The following SIRPB1 variants were observed in gnomAD, a reference collection of about 807,000 sequenced individuals.
SIRPB1 encodes the protein signal-regulatory protein beta-1.
SIRPB1 carries 28 observed loss-of-function variants against 34.1 expected under a neutral mutation model. That is an observed-to-expected ratio of 0.82 (90% CI 0.61 to 1.12). The LOEUF (loss-of-function observed/expected upper bound fraction) is 1.12, where lower values mean the gene tolerates loss of function less well. Among genes scored for constraint, SIRPB1 ranks in the 50% most tolerant of loss-of-function variants. SIRPB1 has a pLI of 0.00. For synonymous variants in SIRPB1, 211 were observed against 203.8 expected (o/e 1.04, Z -0.30); for missense variants, 499 against 507.0 (o/e 0.98, Z 0.15).
Position 1,576,892 on chromosome 20 carries a change from T to C in SIRPB1, c.433+1446A>G, listed in dbSNP as rs1433857438. Among the ~76,000 whole-genome samples, 2 of 148,760 alleles carry C rather than the reference T, an allele frequency of 1.3e-5. 1 individual carries two copies. Among genetic ancestry groups the C allele is most frequent in the Non-Finnish European group, 3.0e-5 (2 of 66,360 alleles). ...CCACTTCCAGTGGGAATCTCCCACC[T>C]GAGTAGGGTGACACATGTACAAGGT... On this transcript the variant is annotated intron_variant, in intron 2 of 5. Coordinates refer to ENST00000381605, the MANE Select transcript of SIRPB1 (RefSeq NM_006065.5).
chr20:1,613,772 G>A (rs114513579), intron 1 of SIRPB1, among the ~76,000 whole-genome samples: 1,641 of 152,292 alleles, frequency 0.011, 29 homozygotes, highest in African/African-American at 0.037. Context: ...ACACCTTACT[G>A]GAGTTCCAGG....
chr20:1,619,270 G>A (rs772695017), intron 1 of SIRPB1, among the ~76,000 whole-genome samples: 27 of 152,198 alleles, frequency 1.8e-4, no homozygotes, highest in Non-Finnish European at 3.5e-4. Flanking sequence ...GACCCAGTAA[G>A]CAGCAAATGT....
At position 1,585,787 on chromosome 20, in the gene SIRPB1, C is replaced by T. The variant is rs1225252762; in HGVS notation, c.77-7093G>A. ...GACATCAGCGTGTCACAGAGATATC[C>T]GCACCCCCATGTCCATTGCAGCATT... On this transcript the variant is annotated intron_variant, in intron 1 of 5. Transcript: ENST00000381605. Among the ~76,000 whole-genome samples the T allele has an allele frequency of 6.6e-4, 32 of 48,662 alleles. 15 individuals are homozygous for T. The highest frequency in any genetic ancestry group is 6.7e-4 in the Non-Finnish European group (17 of 25,290). The allele number at this position is 48,662 out of a possible 152,430, so 31.9% of individuals were successfully genotyped here.
rs1417226621 is a variant in SIRPB1, at chr20:1,619,863, G to A, written c.76+6C>T. On this transcript the variant is annotated splice_donor_region_variant and intron_variant, in intron 1 of 5. Coordinates refer to ENST00000381605, the MANE Select transcript of SIRPB1 (RefSeq NM_006065.5). ...AAAAAAGATTTTAACCGAAGGCAGT[G>A]CTCACCTGTGAGTCTCCCCAGCAGT... is the stretch of plus-strand genomic sequence containing the variant. 1 of 1,604,902 alleles carries A rather than the reference G, an allele frequency of 6.2e-7. No homozygotes were observed. The highest frequency in any genetic ancestry group is 8.5e-7 in the Non-Finnish European group (1 of 1,172,138).
chr20:1,571,423 C>G (rs1312119656), intron 3 of SIRPB1, among the ~76,000 whole-genome samples: 2 of 152,220 alleles, frequency 1.3e-5, no homozygotes, highest in Non-Finnish European at 2.9e-5. Context: ...AGAACTGTAG[C>G]AAAATCAGTG....
At chr20:1,571,663 A>G (rs1000479513) in intron 3 of SIRPB1, 57 bp downstream of exon 3, 10 of 1,611,488 alleles carry the variant, frequency 6.2e-6, no homozygotes, top group Middle Eastern at 1.6e-4. Flanking sequence ...GCCTGGGGAG[A>G]GGGGAGTGGG....
chr20:1,570,756 T>C (rs1235033814), intron 4 of SIRPB1, 49 bp downstream of exon 4: 1 of 1,418,818 alleles, frequency 7.0e-7, no homozygotes, highest in Non-Finnish European at 9.7e-7. Context: ...GAATATTGCT[T>C]TTAACATTAA....
At chr20:1,572,520 C>A (rs960896052) in intron 2 of SIRPB1, among the ~76,000 whole-genome samples, 2 of 150,774 alleles carry the variant, frequency 1.3e-5, no homozygotes, top group South Asian at 4.2e-4. Flanking sequence ...GCTCCTCATC[C>A]GCAAAACAGG....
chr20:1,574,721 G>T (rs2091289059), intron 2 of SIRPB1, among the ~76,000 whole-genome samples: 1 of 126,338 alleles, frequency 7.9e-6, no homozygotes, highest in African/African-American at 2.9e-5. Context: ...GATGCCCTAA[G>T]CATTTTACAC....
chr20:1,619,915 A>C lies in SIRPB1; in HGVS notation c.30T>G (p.Leu10=). 1.9e-6 allele frequency: 3 copies of C among 1,613,898 alleles called. No homozygotes were observed. The South Asian group carries it at 3.3e-5, about 18-fold the overall frequency. Residue 10 remains leucine, a synonymous_variant, in exon 1 of 6, where the codon CTT becomes CTG. Transcript: ENST00000381605. MPVPASWPH[L]PSPFLLMTLL... ...GCGTCATCAGCAGGAAAGGACTAGG[A>C]AGGTGGGGCCAGGAGGCTGGCACGG...
chr20:1,569,797 G>A (rs2091199184), intron 4 of SIRPB1, among the ~76,000 whole-genome samples: 1 of 152,212 alleles, frequency 6.6e-6, no homozygotes. Flanking sequence ...GGCCCTGATG[G>A]GGAAGTTGTG....
chr20:1,570,993 G>A lies in SIRPB1; in HGVS notation c.896C>T (p.Ser299Leu), dbSNP rs747745133. ...GCCATCCTTGTTCTCTATGAGGGTC[G>A]AAGCTGTTTCTGTCCGGGACACATT... ...NGNVSRTETA[S>L]TLIENKDGTY... The change falls in exon 4 of 6, where the codon TCG (serine) becomes TTG (leucine). Residue 299 changes from serine (S) to leucine (L), a missense_variant. By Grantham distance (145) the Ser-to-Leu change is moderately radical (BLOSUM62 -2). Coordinates refer to ENST00000381605, the MANE Select transcript of SIRPB1 (RefSeq NM_006065.5). 1.4e-5 allele frequency: 23 copies of A among 1,614,034 alleles called. No homozygotes were observed. The highest frequency in any genetic ancestry group is 2.2e-5 in the East Asian group (1 of 44,884).
At position 1,562,333 on chromosome 20, in the gene SIRPB1, G is replaced by A. The variant is rs2253431; in HGVS notation, c.*3167C>T. On this transcript the variant is annotated 3_prime_UTR_variant, in exon 6 of 6. Transcript: ENST00000381605. ...GTTTTCTTTTGAAATCCAACACCTA[G>A]TAGAAACCAATGACCTCAATGATGT... 0.36 allele frequency among the ~76,000 whole-genome samples: 54,519 copies of A among 151,902 alleles called. 11,418 individuals are homozygous for A. Among genetic ancestry groups the A allele is most frequent in the Non-Finnish European group, 0.47 (32,174 of 67,898 alleles).
At chr20:1,579,257 G>T (rs1416479395) in intron 1 of SIRPB1, among the ~76,000 whole-genome samples, 2 of 148,232 alleles carry the variant, frequency 1.3e-5, no homozygotes, top group Admixed American at 1.3e-4. Flanking sequence ...TGGCCAAGAG[G>T]TTCAATTTCA....
chr20:1,564,079 ATATT>A lies in SIRPB1; in HGVS notation c.*1417_*1420del, dbSNP rs553613277. On this transcript the variant is annotated 3_prime_UTR_variant, in exon 6 of 6. Transcript: ENST00000381605. ...GCTTTGAATTGTAGTGCACAAATAA[ATATT>A]TATTTCATTATATTTTCATTGTCCT... The A allele has an allele frequency of 2.0e-5, 3 of 152,316 alleles. No homozygotes were observed. Among genetic ancestry groups the A allele is most frequent in the South Asian group, 4.1e-4 (2 of 4,828 alleles). 9.4% of individuals were successfully genotyped at this position (152,316 alleles called of 1,614,324 possible).
At chr20:1,570,680 T>C (rs1489295165) in intron 4 of SIRPB1, 125 bp downstream of exon 4, 1 of 846,038 alleles carries the variant, frequency 1.2e-6, no homozygotes, top group African/African-American at 1.7e-5. Context: ...GAGTGTAGGA[T>C]TTTAATGTAG....
chr20:1,568,564 TATC>T (rs2091176614), intron 4 of SIRPB1, among the ~76,000 whole-genome samples: 1 of 151,834 alleles, frequency 6.6e-6, no homozygotes, highest in African/African-American at 2.4e-5. Flanking sequence ...ACCCAAGAAA[TATC>T]ATGAGGAGCA....
At chr20:1,570,693 G>C (rs1260487748) in intron 4 of SIRPB1, 112 bp downstream of exon 4, 2 of 938,010 alleles carry the variant, frequency 2.1e-6, no homozygotes, top group African/African-American at 3.3e-5. Context: ...TAATGTAGAC[G>C]TTAAAATTCT....
intron 1 of SIRPB1, among the ~76,000 whole-genome samples, chr20:1,617,552 A>C (rs2091647958): frequency 6.6e-6 from 1 of 152,216 alleles, no homozygotes; most frequent in Admixed American, 6.5e-5. Flanking sequence ...ATTTGGAGAG[A>C]TATTGGTCAA....
Sources: allele counts gnomAD v4.1 joint callset (sites outside exome capture counted in the v4.1 genomes callset), GRCh38; gene constraint gnomAD v4.1.1; transcripts MANE v1.5; gene names NCBI Gene and HGNC (gene_info 2026-07-23, HGNC 2026-07-21).